The following DARS2 variants were observed in gnomAD, a reference collection of about 807,000 sequenced individuals.
DARS2 encodes aspartyl-tRNA synthetase 2, mitochondrial, also known as aspartate--tRNA ligase, mitochondrial.
A neutral mutation model predicts 83.0 loss-of-function variants in DARS2; 63 were observed. The observed-to-expected ratio is 0.76, with a 90% CI of 0.62 to 0.94. The LOEUF (loss-of-function observed/expected upper bound fraction) is 0.94. Among genes scored for constraint, DARS2 ranks in the 40% least tolerant of loss-of-function variants. The probability of loss-of-function intolerance (pLI) is 0.00; values close to 1 mark genes in which losing one functional copy is unlikely to be tolerated. For synonymous variants in DARS2, 250 were observed against 269.3 expected (o/e 0.93, Z 0.70); for missense variants, 675 against 774.4 (o/e 0.87, Z 1.52).
rs1164469532 is a variant in DARS2 at position 173,844,778 on chromosome 1, ATTTTTTTTTTTTTTTTTTTT to A, written c.1129-437_1129-418del. 8.2e-3 allele frequency among the ~76,000 whole-genome samples: 469 copies of A among 56,886 alleles called. 11 individuals carry two copies. The highest frequency in any genetic ancestry group is 0.033 in the African/African-American group (444 of 13,608). 37.3% of individuals were successfully genotyped at this position (56,886 alleles called of 152,430 possible). A position where few individuals can be genotyped will look rare whatever the true frequency, so the allele number is the denominator to read the frequency against. ...TGTGTCATTTGGTAGCAGAAATTGG[ATTTTTTTTTTTTTTTTTTTT>A]TTTTTTTTTTTTTGAGACAGAATCT... On this transcript the variant is annotated intron_variant, in intron 11 of 16. Transcript: ENST00000649689.
At chr1:173,856,059 G>A (rs1653849402) in intron 15 of DARS2, among the ~76,000 whole-genome samples, 1 of 152,148 alleles carries the variant, frequency 6.6e-6, no homozygotes, top group Non-Finnish European at 1.5e-5. Flanking sequence ...AAACACTGGT[G>A]CCTTGGCTAC....
intron 6 of DARS2, among the ~76,000 whole-genome samples, chr1:173,834,050 C>T (rs1253037606): frequency 2.0e-5 from 3 of 152,162 alleles, no homozygotes; most frequent in Admixed American, 6.5e-5. Flanking sequence ...GCATGAACCA[C>T]GATACCCAGC....
intron 6 of DARS2, among the ~76,000 whole-genome samples, chr1:173,833,768 C>A (rs560119060): frequency 2.1e-4 from 32 of 151,390 alleles, no homozygotes; most frequent in African/African-American, 7.5e-4. Context: ...TATAAGATTT[C>A]TTTTCTTTTT....
At chr1:173,826,321 C>G (rs1197516121) in intron 1 of DARS2, among the ~76,000 whole-genome samples, 2 of 152,010 alleles carry the variant, frequency 1.3e-5, no homozygotes, top group African/African-American at 4.8e-5. Flanking sequence ...CTAAATAGTT[C>G]CTACACCGTC....
In DARS2 at chr1:173,853,910, C is replaced by T. The variant is rs757480466; in HGVS notation, c.1674+5C>T. ...ATCCTGGCAACCTTACTAAAGGTAA[C>T]AAACATCATCTGCTATCCTGGGCTT... On this transcript the variant is annotated splice_donor_5th_base_variant and intron_variant, in intron 15 of 16. Coordinates refer to ENST00000649689, the MANE Select transcript of DARS2 (RefSeq NM_018122.5). The T allele has an allele frequency of 1.9e-6, 3 of 1,602,314 alleles. No homozygotes were observed. The South Asian group carries it at 3.3e-5, about 18-fold the overall frequency.
intron 7 of DARS2, among the ~76,000 whole-genome samples, chr1:173,836,014 G>A (rs184097943): frequency 9.2e-5 from 14 of 151,772 alleles, no homozygotes; most frequent in East Asian, 3.9e-4. Context: ...CCAAGATCAC[G>A]CCATTGCACT....
At chr1:173,852,400 C>T in intron 13 of DARS2, 1 of 392,030 alleles carries the variant, frequency 2.6e-6, no homozygotes, top group Non-Finnish European at 3.5e-6. Flanking sequence ...AAAAGTGAGT[C>T]ACAGAGCTTA....
chr1:173,850,605 C>CA, intron 13 of DARS2, 126 bp downstream of exon 13: 29 of 689,080 alleles, frequency 4.2e-5, no homozygotes, highest in East Asian at 8.3e-5. Context: ...CTGCATAAAT[C>CA]TTTTTTTTTT....
At chr1:173,826,109 C>A (rs1212197707) in intron 1 of DARS2, among the ~76,000 whole-genome samples, 2 of 151,520 alleles carry the variant, frequency 1.3e-5, no homozygotes, top group African/African-American at 2.4e-5. Flanking sequence ...CTGTAGTCCC[C>A]GCTGCTGGGG....
chr1:173,839,398 C>G lies in DARS2; in HGVS notation c.872C>G (p.Thr291Ser), dbSNP rs1393764473. The change falls in exon 10 of 17, where the codon ACT becomes AGT. Residue 291 changes from threonine (T) to serine (S), a missense_variant. Transcript: ENST00000649689. ...ATAGAGATGTCATTTGTAGACCAGA[C>G]TGGGATCCAGAGTTTAATTGAGGGT... ...IDIEMSFVDQ[T>S]GIQSLIEGLL... 2.5e-6 allele frequency: 4 copies of G among 1,614,184 alleles called. No homozygotes were observed. Among genetic ancestry groups the G allele is most frequent in the Non-Finnish European group, 3.4e-6 (4 of 1,180,030 alleles).
intron 8 of DARS2, among the ~76,000 whole-genome samples, chr1:173,837,563 C>T (rs1052655948): frequency 1.9e-4 from 29 of 151,666 alleles, no homozygotes; most frequent in Non-Finnish European, 7.4e-5. Flanking sequence ...TCACTTTGGC[C>T]AAAGCAAAAG....
At chr1:173,847,506 T>A (rs142804709) in intron 12 of DARS2, among the ~76,000 whole-genome samples, 71 of 152,196 alleles carry the variant, frequency 4.7e-4, no homozygotes, top group Non-Finnish European at 7.9e-4. Context: ...AAGAAATGGG[T>A]ATTACTACTA....
chr1:173,850,353 C>T lies in DARS2; in HGVS notation c.1218C>T (p.Ala406=). 1 of 1,612,698 alleles carries T rather than the reference C, an allele frequency of 6.2e-7. No homozygotes were observed. Among genetic ancestry groups the T allele is most frequent in the African/African-American group, 1.3e-5 (1 of 74,662 alleles). ...AAATCTTACCTGTATTCCTTAACGC[C>T]AATAGAAACTGGAATTCTCCAGTTG... is the stretch of plus-strand genomic sequence containing the variant. ...NQEILPVFLN[A]NRNWNSPVAN... is the part of the protein sequence containing the mutation. Residue 406 remains alanine, a synonymous_variant, in exon 13 of 17, where the codon GCC becomes GCT. Transcript: ENST00000649689.
At position 173,837,054 on chromosome 1, in the gene DARS2, T is replaced by C; in HGVS notation, c.770+8T>C. 6.2e-7 allele frequency: 1 copy of C among 1,605,940 alleles called. No individual in the cohort carries two copies. The highest frequency in any genetic ancestry group is 8.5e-7 in the Non-Finnish European group (1 of 1,172,668). ...GGTTGGCGGTTTAGACAGGTGAGCTTTTTTTATGCTAGCAGTTGTCAGAAA... is the reference window on the plus strand; with the variant it reads ...GGTTGGCGGTTTAGACAGGTGAGCTCTTTTTATGCTAGCAGTTGTCAGAAA... On this transcript the variant is annotated splice_region_variant and intron_variant, in intron 8 of 16. Transcript: ENST00000649689.
intron 13 of DARS2, among the ~76,000 whole-genome samples, chr1:173,852,557 A>C (rs1234935002): frequency 1.3e-5 from 2 of 151,776 alleles, no homozygotes; most frequent in African/African-American, 4.8e-5. Context: ...GCTGGAGTAC[A>C]GTGGTGTGAT....
chr1:173,852,067 G>T (rs1308944863), intron 13 of DARS2: 22 of 985,252 alleles, frequency 2.2e-5, no homozygotes, highest in Admixed American at 6.2e-5. Flanking sequence ...TTCCTACAAG[G>T]CCTTCCTTGA....
At position 173,829,637 on chromosome 1, in the gene DARS2, G is replaced by A. The variant is rs1192201589; in HGVS notation, c.295-1023G>A. The stretch of plus-strand genomic sequence containing the variant: ...AAAATACAAAAAATTGGCCAGGTGC[G>A]GTGGCTCACTCCTGTAATCCCAGCA... On this transcript the variant is annotated intron_variant, in intron 3 of 16. Coordinates refer to ENST00000649689, the MANE Select transcript of DARS2 (RefSeq NM_018122.5). Among the ~76,000 whole-genome samples the A allele has an allele frequency of 2.6e-5, 4 of 152,084 alleles. No homozygotes were observed. In the South Asian group the frequency reaches 6.2e-4, roughly 24 times the overall value.
chr1:173,853,636 G>A, intron 14 of DARS2, 69 bp downstream of exon 14: 5 of 1,585,152 alleles, frequency 3.2e-6, no homozygotes, highest in Non-Finnish European at 4.3e-6. Flanking sequence ...AGACTTCAAG[G>A]TCTGATGAAA....
Position 173,833,364 on chromosome 1 carries a change from C to A in DARS2, c.493-12C>A. On this transcript the variant is annotated splice_polypyrimidine_tract_variant and intron_variant, in intron 5 of 16. Transcript: ENST00000649689. ...AAAATATTTAAATATAAAAATCTTTCAATTTCTTTAGAAAACAGAGGCTCT... is the reference window on the plus strand; with the variant it reads ...AAAATATTTAAATATAAAAATCTTTAAATTTCTTTAGAAAACAGAGGCTCT... The A allele has an allele frequency of 6.4e-7, 1 of 1,556,166 alleles. No individual in the cohort carries two copies. Among genetic ancestry groups the A allele is most frequent in the South Asian group, 1.2e-5 (1 of 81,474 alleles).
Sources: allele counts gnomAD v4.1 joint callset (sites outside exome capture counted in the v4.1 genomes callset), GRCh38; gene constraint gnomAD v4.1.1; transcripts MANE v1.5; gene names NCBI Gene and HGNC (gene_info 2026-07-23, HGNC 2026-07-21).